Variants in EXOSC10 observed in about 807,000 individuals in gnomAD.
The protein encoded by EXOSC10 is exosome component 10.
A neutral mutation model predicts 126.6 loss-of-function variants in EXOSC10; 94 were observed. That is an observed-to-expected ratio of 0.74 (90% CI 0.63 to 0.88). The LOEUF is 0.88. Among genes scored for constraint, EXOSC10 ranks in the 40% least tolerant of loss-of-function variants. The probability of loss-of-function intolerance (pLI) is 0.00; values close to 1 mark genes in which losing one functional copy is unlikely to be tolerated. For missense variants in EXOSC10, 1,041 were observed against 1,100.5 expected, an observed-to-expected ratio of 0.95 and a Z score of 0.77; for synonymous variants, 395 against 400.8, an observed-to-expected ratio of 0.99 and a Z score of 0.17.
chr1:11,098,242 G>T, intron 1 of EXOSC10, 86 bp from the exon 2 acceptor site: 1 of 1,430,484 alleles, frequency 7.0e-7, no homozygotes, highest in Non-Finnish European at 9.2e-7. Context: ...CGTATACAAG[G>T]TATCTACTCT....
In EXOSC10 at chr1:11,076,892, A is replaced by G. The variant is rs776613377; in HGVS notation, c.1936T>C (p.Leu646=). ...GCAATCAGGCATGTGGTACCCAGCA[A>G]GTTATCTTCTTTTTCATCAGGGAAG... ...SLFPDEKEDN[L]LGTTCLIATA... Residue 646 remains leucine (L), a synonymous_variant, in exon 17 of 25, where the codon TTG becomes CTG. Transcript: ENST00000376936. The G allele has an allele frequency of 2.5e-6, 4 of 1,614,042 alleles. No homozygotes were observed. The highest frequency in any genetic ancestry group is 1.3e-5 in the African/African-American group (1 of 75,072).
At chr1:11,096,496 A>C (rs1249529691) in intron 2 of EXOSC10, among the ~76,000 whole-genome samples, 1 of 129,964 alleles carries the variant, frequency 7.7e-6, no homozygotes, top group Non-Finnish European at 1.6e-5. Flanking sequence ...TTTTTTAAAG[A>C]GACAGGGTCT....
intron 2 of EXOSC10, among the ~76,000 whole-genome samples, chr1:11,096,251 A>C (rs1485537584): frequency 2.0e-5 from 3 of 151,534 alleles, no homozygotes; most frequent in African/African-American, 7.3e-5. Flanking sequence ...CCCGGATTCA[A>C]GCGATTCTCA....
At chr1:11,074,082 T>TG in intron 18 of EXOSC10, 74 bp from the exon 19 acceptor site, 3 of 1,476,580 alleles carry the variant, frequency 2.0e-6, no homozygotes, top group Non-Finnish European at 1.9e-6. Flanking sequence ...AGCGCTCAGA[T>TG]GGGGGGTTGC....
At chr1:11,085,071 A>G (rs1640417171) in intron 9 of EXOSC10, among the ~76,000 whole-genome samples, 2 of 152,164 alleles carry the variant, frequency 1.3e-5, no homozygotes, top group African/African-American at 4.8e-5. Context: ...TGATGCCTCC[A>G]GCTTTGTTCT....
At chr1:11,081,434 G>C (rs577528001) in intron 10 of EXOSC10, among the ~76,000 whole-genome samples, 196 bp from the exon 11 acceptor site, 11 of 152,294 alleles carry the variant, frequency 7.2e-5, no homozygotes, top group Admixed American at 1.3e-4. Flanking sequence ...TAGAATTGGA[G>C]GCAGGGTAAT....
At chr1:11,067,857 C>T (rs559494409) in intron 24 of EXOSC10, 151 bp downstream of exon 24, 51 of 624,842 alleles carry the variant, frequency 8.2e-5, no homozygotes, top group African/African-American at 5.0e-4. Flanking sequence ...TTCCGAGTGG[C>T]GTGAGGGACC....
intron 3 of EXOSC10, 186 bp downstream of exon 3, chr1:11,095,572 G>A (rs1641033551): frequency 2.2e-6 from 1 of 450,844 alleles, no homozygotes; most frequent in African/African-American, 2.0e-5. Context: ...AAATTAGCCA[G>A]GTGTGGTGGC....
chr1:11,096,758 C>T (rs1459426739), intron 2 of EXOSC10, among the ~76,000 whole-genome samples: 2 of 152,174 alleles, frequency 1.3e-5, no homozygotes, highest in African/African-American at 2.4e-5. Context: ...GGATTACAGG[C>T]ATGAGCCGCC....
At chr1:11,077,708 C>T in intron 14 of EXOSC10, 57 bp from the exon 15 acceptor site, 1 of 1,504,002 alleles carries the variant, frequency 6.6e-7, no homozygotes, top group Non-Finnish European at 9.1e-7. Context: ...CAAGTCCAAC[C>T]CCCAGTCTCC....
At chr1:11,067,446 A>T (rs1639168185) in intron 24 of EXOSC10, among the ~76,000 whole-genome samples, 1 of 150,160 alleles carries the variant, frequency 6.7e-6, no homozygotes, top group African/African-American at 2.5e-5. Flanking sequence ...AAGAAAAAAA[A>T]AAAAAACATT....
At chr1:11,077,027 A>C (rs1639857123) in intron 16 of EXOSC10, 79 bp from the exon 17 acceptor site, 1 of 1,081,604 alleles carries the variant, frequency 9.2e-7, no homozygotes, top group Non-Finnish European at 1.4e-6. Context: ...GTTTTAGTGT[A>C]GTCCCCTAGG....
chr1:11,091,607 GA>G lies in EXOSC10; in HGVS notation c.373-11del. The G allele has an allele frequency of 6.2e-7, 1 of 1,602,716 alleles. No individual in the cohort carries two copies. Among genetic ancestry groups the G allele is most frequent in the Non-Finnish European group, 8.5e-7 (1 of 1,170,028 alleles). On this transcript the variant is annotated splice_polypyrimidine_tract_variant and intron_variant, in intron 3 of 24. Coordinates refer to ENST00000376936, the MANE Select transcript of EXOSC10 (RefSeq NM_001001998.3). ...CATCCAGTAAAATACCCTAAGAGTA[GA>G]AGAGGTACTGGTTAAGCATTTTTCC...
intron 14 of EXOSC10, among the ~76,000 whole-genome samples, chr1:11,079,361 C>T (rs896266409): frequency 5.4e-5 from 8 of 149,324 alleles, no homozygotes; most frequent in Admixed American, 2.0e-4. Flanking sequence ...AAAAAAAAAA[C>T]AGGCTTGCTA....
chr1:11,071,727 G>C, intron 20 of EXOSC10: 1 of 193,156 alleles, frequency 5.2e-6, no homozygotes, highest in Non-Finnish European at 1.1e-5. Flanking sequence ...GCTCATGCAG[G>C]CCCACTTGCT....
At position 11,069,719 on chromosome 1, in the gene EXOSC10, A is replaced by G; in HGVS notation, c.2328T>C (p.Ala776=). ...TTGTTGCTCGCTCTCTCTTCTTTGC[A>G]GCATTTTCTAGCTGTAGATCAGGAA... The part of the protein sequence containing the change: ...SVRQQVVLEN[A]AKKRERATSD... The change falls in exon 22 of 25, where the codon GCT becomes GCC. Residue 776 remains alanine (A), a synonymous_variant. Coordinates refer to ENST00000376936, the MANE Select transcript of EXOSC10 (RefSeq NM_001001998.3). 2 of 1,613,534 alleles carry G rather than the reference A, an allele frequency of 1.2e-6. No individual in the cohort carries two copies. Among genetic ancestry groups the G allele is most frequent in the South Asian group, 1.1e-5 (1 of 90,994 alleles).
chr1:11,082,993 C>T (rs1193523799), intron 9 of EXOSC10, 115 bp from the exon 10 acceptor site: 5 of 823,076 alleles, frequency 6.1e-6, no homozygotes, highest in African/African-American at 3.4e-5. Context: ...CTCCGCTGTC[C>T]CATCTGTAGT....
chr1:11,081,053 C>T (rs192139959), intron 11 of EXOSC10, 29 bp downstream of exon 11: 5 of 1,611,306 alleles, frequency 3.1e-6, no homozygotes, highest in African/African-American at 1.3e-5. Context: ...CCAAGTGTCG[C>T]GGTCTGTGTG....
chr1:11,070,421 T>C (rs766817632), intron 21 of EXOSC10, among the ~76,000 whole-genome samples: 9 of 149,906 alleles, frequency 6.0e-5, no homozygotes, highest in East Asian at 5.9e-4. Flanking sequence ...ACTTGGGTGG[T>C]TGAGGAGGGA....
Sources: allele counts gnomAD v4.1 joint callset (sites outside exome capture counted in the v4.1 genomes callset), GRCh38; gene constraint gnomAD v4.1.1; transcripts MANE v1.5; gene names NCBI Gene and HGNC (gene_info 2026-07-23, HGNC 2026-07-21).